Variants in INPP4B observed in about 807,000 individuals in gnomAD.
INPP4B encodes the protein inositol polyphosphate-4-phosphatase type II B.
INPP4B carries 55 observed loss-of-function variants against 122.5 expected under a neutral mutation model. That is an observed-to-expected ratio of 0.45 (90% confidence interval 0.36 to 0.56). The LOEUF (loss-of-function observed/expected upper bound fraction) is 0.56. Ranked by LOEUF, INPP4B falls within the 20% of genes least tolerant of loss-of-function variation. The probability of loss-of-function intolerance (pLI) is 0.00; values close to 1 mark genes in which losing one functional copy is unlikely to be tolerated. For synonymous variants in INPP4B, 403 were observed against 388.7 expected, an observed-to-expected ratio of 1.04 and a Z score of -0.43; for missense variants, 1,000 against 1,097.7, an observed-to-expected ratio of 0.91 and a Z score of 1.26.
chr4:142,815,073 C>T (rs1413241762), intron 1 of INPP4B, among the ~76,000 whole-genome samples: 1 of 152,116 alleles, frequency 6.6e-6, no homozygotes, highest in Non-Finnish European at 1.5e-5. Context: ...TGACATTTTA[C>T]TTCTCTGGTC....
intron 3 of INPP4B, among the ~76,000 whole-genome samples, chr4:142,453,366 G>C (rs1017381278): frequency 1.3e-5 from 2 of 152,078 alleles, no homozygotes; most frequent in African/African-American, 4.8e-5. Context: ...AATTCCTAGA[G>C]CTGACTGAAT....
chr4:142,109,110 TCA>T (rs1490623696), intron 22 of INPP4B, among the ~76,000 whole-genome samples: 7 of 151,098 alleles, frequency 4.6e-5, no homozygotes, highest in Middle Eastern at 3.4e-3. Context: ...CCACTATTCC[TCA>T]GTCTTTTCCT....
chr4:142,166,255 G>A (rs1338270341), intron 16 of INPP4B, among the ~76,000 whole-genome samples: 7 of 151,620 alleles, frequency 4.6e-5, no homozygotes, highest in Non-Finnish European at 7.4e-5. Context: ...ATGAGGTAAA[G>A]TTAACTGTTC....
intron 12 of INPP4B, among the ~76,000 whole-genome samples, chr4:142,216,016 TACA>T (rs1157690013): frequency 6.8e-6 from 1 of 146,182 alleles, no homozygotes; most frequent in African/African-American, 2.5e-5. Context: ...GGAGATTAGC[TACA>T]TAAATGCTTT....
chr4:142,154,562 T>C (rs17015594), intron 17 of INPP4B, among the ~76,000 whole-genome samples: 17,301 of 151,990 alleles, frequency 0.11, 1,570 homozygotes, highest in African/African-American at 0.25. Flanking sequence ...ATAGTCATCT[T>C]AGAGTTGATT....
rs1321049663 is a variant in INPP4B at position 142,600,424 on chromosome 4, G to A, written c.-191+125415C>T. Reference sequence around the variant, plus strand: ...ACTCTTTCACAGATGAGCAAATGCTGAGGTAATTCAATACCACTAGACCTG... The same window carrying A: ...ACTCTTTCACAGATGAGCAAATGCTAAGGTAATTCAATACCACTAGACCTG... On this transcript the variant is annotated intron_variant, in intron 2 of 25. Transcript: ENST00000262992. Among the ~76,000 whole-genome samples the A allele has an allele frequency of 2.0e-5, 3 of 152,242 alleles. No homozygotes were observed. The East Asian group carries it at 5.8e-4, about 29-fold the overall frequency.
chr4:142,825,912 A>G (rs914930478), intron 1 of INPP4B, among the ~76,000 whole-genome samples: 4 of 152,172 alleles, frequency 2.6e-5, no homozygotes, highest in Non-Finnish European at 5.9e-5. Flanking sequence ...TATAATGCTT[A>G]AGCTAGAAGA....
chr4:142,331,511 A>G (rs1053729284), intron 7 of INPP4B, among the ~76,000 whole-genome samples: 4 of 152,222 alleles, frequency 2.6e-5, no homozygotes, highest in African/African-American at 9.6e-5. Flanking sequence ...TGAAAATACA[A>G]TCATCCCCCC....
In INPP4B at chr4:142,160,437, C is replaced by A. The variant is rs776931377; in HGVS notation, c.1484G>T (p.Ser495Ile). 4.3e-6 allele frequency: 7 copies of A among 1,610,664 alleles called. No homozygotes were observed. The highest frequency in any genetic ancestry group is 5.1e-6 in the Non-Finnish European group (6 of 1,177,694). ...PPSPKSSTEE[S>I]SPQDQPPVMR... ...CACTGGGGGTTGGTCTTGGGGACTG[C>A]TCTCCTCTGTGCTGCTCTTAGGAGA... Residue 495 changes from serine to isoleucine, a missense_variant, in exon 17 of 26, where the codon AGC becomes ATC. By Grantham distance (142) the Ser-to-Ile change is moderately radical (BLOSUM62 -2). Transcript: ENST00000262992.
chr4:142,720,964 G>C (rs1279887462), intron 2 of INPP4B, among the ~76,000 whole-genome samples: 3 of 148,280 alleles, frequency 2.0e-5, no homozygotes, highest in African/African-American at 7.5e-5. Flanking sequence ...GAGAGAGAAA[G>C]AGAAGAACAA....
chr4:142,517,176 T>C (rs1188463143), intron 2 of INPP4B, among the ~76,000 whole-genome samples: 1 of 151,996 alleles, frequency 6.6e-6, no homozygotes, highest in African/African-American at 2.4e-5. Flanking sequence ...AGTTCCTTGC[T>C]CCCACAACAA....
At chr4:142,329,260 A>G (rs1261456897) in intron 7 of INPP4B, among the ~76,000 whole-genome samples, 1 of 152,236 alleles carries the variant, frequency 6.6e-6, no homozygotes, top group Non-Finnish European at 1.5e-5. Context: ...ACTTTGATTC[A>G]GACCTGCATA....
At chr4:142,501,588 A>C (rs1433127212) in intron 2 of INPP4B, among the ~76,000 whole-genome samples, 1 of 152,100 alleles carries the variant, frequency 6.6e-6, no homozygotes, top group East Asian at 1.9e-4. Context: ...AAATAAATAC[A>C]ATGTATCTAA....
intron 2 of INPP4B, among the ~76,000 whole-genome samples, chr4:142,676,645 A>C (rs1047773816): frequency 6.6e-6 from 1 of 152,210 alleles, no homozygotes; most frequent in Non-Finnish European, 1.5e-5. Context: ...AAACAGATAT[A>C]TAGACCAATG....
chr4:142,642,046 T>TTGC (rs1750605453), intron 2 of INPP4B, among the ~76,000 whole-genome samples: 1 of 152,256 alleles, frequency 6.6e-6, no homozygotes, highest in Admixed American at 6.5e-5. Flanking sequence ...TCTGTGTCTG[T>TTGC]TGGCTGCATT....
At chr4:142,590,902 A>C (rs1429066504) in intron 2 of INPP4B, among the ~76,000 whole-genome samples, 1 of 140,648 alleles carries the variant, frequency 7.1e-6, no homozygotes, top group Admixed American at 7.2e-5. Flanking sequence ...AAAAAAAAAC[A>C]AAAGAACTAG....
At chr4:142,281,091 T>C (rs1579577656) in intron 9 of INPP4B, among the ~76,000 whole-genome samples, 1 of 149,062 alleles carries the variant, frequency 6.7e-6, no homozygotes. Context: ...GACTTTTTGT[T>C]AAGTTCATTT....
At chr4:142,789,824 G>A (rs1223138586) in intron 1 of INPP4B, among the ~76,000 whole-genome samples, 1 of 152,148 alleles carries the variant, frequency 6.6e-6, no homozygotes, top group Middle Eastern at 3.4e-3. Flanking sequence ...CACATTACCT[G>A]ATTTCTAACT....
At chr4:142,590,221 C>A (rs1471418753) in intron 2 of INPP4B, among the ~76,000 whole-genome samples, 1 of 152,024 alleles carries the variant, frequency 6.6e-6, no homozygotes, top group East Asian at 1.9e-4. Context: ...TTTTCAAAAC[C>A]CATAAAAATT....
Sources: gnomAD v4.1 joint callset for allele counts (sites outside exome capture counted in the v4.1 genomes callset) on GRCh38, gnomAD v4.1.1 for gene constraint, MANE v1.5 for transcripts, NCBI Gene and HGNC (gene_info 2026-07-23, HGNC 2026-07-21) for gene names.